DIAPH3: variants seen among roughly 807,000 people sequenced by gnomAD.
DIAPH3 encodes the protein diaphanous related formin 3, also known as protein diaphanous homolog 3.
In DIAPH3, 117 loss-of-function variants were observed where a neutral mutation model predicts 144.3. The observed-to-expected ratio is 0.81, with a 90% confidence interval of 0.70 to 0.95. DIAPH3 has a LOEUF of 0.95. Ranked by LOEUF, DIAPH3 falls within the 40% of genes least tolerant of loss-of-function variation. The pLI is 0.00. For synonymous variants in DIAPH3, 519 were observed against 488.9 expected (o/e 1.06, Z -0.81); for missense variants, 1,421 against 1,412.7 (o/e 1.01, Z -0.09).
At chr13:59,819,392 G>C (rs1342352695) in intron 24 of DIAPH3, among the ~76,000 whole-genome samples, 1 of 151,624 alleles carries the variant, frequency 6.6e-6, no homozygotes, top group East Asian at 1.9e-4. Context: ...TTTCTCACAG[G>C]ACAGCCACGT....
intron 4 of DIAPH3, among the ~76,000 whole-genome samples, chr13:60,073,358 G>A (rs2057279404): frequency 6.6e-6 from 1 of 151,902 alleles, no homozygotes; most frequent in Non-Finnish European, 1.5e-5. Context: ...AATCCTTTTG[G>A]AAGCAAGAAT....
chr13:59,722,038 T>A (rs2035371056), intron 27 of DIAPH3, among the ~76,000 whole-genome samples: 1 of 152,216 alleles, frequency 6.6e-6, no homozygotes, highest in Non-Finnish European at 1.5e-5. Context: ...AAGCAGCTTT[T>A]ACACTTTATA....
At chr13:59,798,262 C>T (rs539095889) in intron 25 of DIAPH3, among the ~76,000 whole-genome samples, 3 of 152,302 alleles carry the variant, frequency 2.0e-5, no homozygotes, top group South Asian at 4.1e-4. Context: ...GATCCATCTG[C>T]GTTTTTGCTA....
chr13:60,046,853 C>T (rs919952050), intron 4 of DIAPH3, among the ~76,000 whole-genome samples: 1 of 152,082 alleles, frequency 6.6e-6, no homozygotes. Flanking sequence ...AACCATCATT[C>T]TCAGCAAACT....
intron 27 of DIAPH3, among the ~76,000 whole-genome samples, chr13:59,676,869 GT>G (rs1219720854): frequency 6.6e-6 from 1 of 152,022 alleles, no homozygotes; most frequent in Non-Finnish European, 1.5e-5. Context: ...GTTTATAACT[GT>G]TTTATAACAA....
chr13:59,904,455 C>G (rs2046620682), intron 20 of DIAPH3, among the ~76,000 whole-genome samples: 1 of 151,842 alleles, frequency 6.6e-6, no homozygotes, highest in African/African-American at 2.4e-5. Context: ...TAATGCTATT[C>G]TAAGAATTTT....
chr13:59,896,590 C>T (rs1303344716), intron 20 of DIAPH3, among the ~76,000 whole-genome samples: 21 of 103,082 alleles, frequency 2.0e-4, no homozygotes, highest in Non-Finnish European at 4.2e-4. Flanking sequence ...GTGGGGGAGG[C>T]GGGGGTGGAG....
intron 4 of DIAPH3, among the ~76,000 whole-genome samples, chr13:60,062,505 C>G (rs2056812505): frequency 6.6e-6 from 1 of 152,022 alleles, no homozygotes; most frequent in Admixed American, 6.6e-5. Context: ...ACCTTTAAAC[C>G]TTTACATTCT....
At chr13:59,902,102 G>C (rs7339062) in intron 20 of DIAPH3, among the ~76,000 whole-genome samples, 1 of 152,078 alleles carries the variant, frequency 6.6e-6, no homozygotes, top group Non-Finnish European at 1.5e-5. Flanking sequence ...CAATGAATCA[G>C]TTACACATTA....
At chr13:60,138,490 G>C (rs1280193634) in intron 1 of DIAPH3, among the ~76,000 whole-genome samples, 1 of 152,214 alleles carries the variant, frequency 6.6e-6, no homozygotes, top group African/African-American at 2.4e-5. Flanking sequence ...TGAAAACAGA[G>C]AGCTGATAAA....
chr13:59,819,915 T>C (rs976024296), intron 24 of DIAPH3, among the ~76,000 whole-genome samples: 3 of 152,040 alleles, frequency 2.0e-5, no homozygotes, highest in South Asian at 2.1e-4. Context: ...TACTGTAACA[T>C]GGACAAAATA....
chr13:59,956,131 A>G (rs1449496337), intron 17 of DIAPH3, among the ~76,000 whole-genome samples: 1 of 151,532 alleles, frequency 6.6e-6, no homozygotes, highest in Non-Finnish European at 1.5e-5. Context: ...ATACAATAGA[A>G]AAGAAAACTC....
chr13:59,700,936 GTTTA>G lies in DIAPH3; in HGVS notation c.3320-34094_3320-34091del, dbSNP rs146649146. Among the ~76,000 whole-genome samples, 675 of 152,176 alleles carry G rather than the reference GTTTA, an allele frequency of 4.4e-3. 5 individuals are homozygous for G. Among genetic ancestry groups the G allele is most frequent in the African/African-American group, 0.014 (592 of 41,512 alleles). On this transcript the variant is annotated intron_variant, in intron 27 of 27. Transcript: ENST00000400324. The stretch of plus-strand genomic sequence containing the variant: ...TTATTTTAAGATAATTAGTTCAGTA[GTTTA>G]TTTACTTAGTAAAAGAAGCTACTCA...
intron 16 of DIAPH3, 76 bp downstream of exon 16, chr13:59,970,775 TA>T: frequency 7.8e-7 from 1 of 1,284,852 alleles, no homozygotes; most frequent in Non-Finnish European, 1.1e-6. Flanking sequence ...TAAATCTCAT[TA>T]GAAATTATGT....
intron 27 of DIAPH3, among the ~76,000 whole-genome samples, chr13:59,710,383 C>T (rs929127947): frequency 6.6e-6 from 1 of 150,980 alleles, no homozygotes; most frequent in Non-Finnish European, 1.5e-5. Context: ...CAAATGTACT[C>T]TCTACATTTA....
At chr13:59,933,341 T>C (rs1036344817) in intron 17 of DIAPH3, among the ~76,000 whole-genome samples, 6 of 152,054 alleles carry the variant, frequency 3.9e-5, no homozygotes, top group Admixed American at 2.0e-4. Context: ...GTTGTGAAAA[T>C]GAAATGAGAT....
chr13:59,716,179 C>T (rs2035042476), intron 27 of DIAPH3, among the ~76,000 whole-genome samples: 3 of 151,506 alleles, frequency 2.0e-5, no homozygotes, highest in Admixed American at 6.6e-5. Context: ...ATCCAAGAAA[C>T]TTATTTTTTT....
At chr13:59,885,689 T>C (rs1202629422) in intron 20 of DIAPH3, among the ~76,000 whole-genome samples, 1 of 152,080 alleles carries the variant, frequency 6.6e-6, no homozygotes, top group Non-Finnish European at 1.5e-5. Context: ...AATGTGATCA[T>C]ATTTGGAAAC....
intron 4 of DIAPH3, among the ~76,000 whole-genome samples, chr13:60,062,352 T>G (rs2056806492): frequency 6.6e-6 from 1 of 152,272 alleles, no homozygotes; most frequent in South Asian, 2.1e-4. Context: ...AATACAAAAA[T>G]GAACAAAACC....
Sources: gnomAD v4.1 joint callset for allele counts (sites outside exome capture counted in the v4.1 genomes callset) on GRCh38, gnomAD v4.1.1 for gene constraint, MANE v1.5 for transcripts, NCBI Gene and HGNC (gene_info 2026-07-23, HGNC 2026-07-21) for gene names.